Variants in SPTAN1 observed in about 807,000 individuals in gnomAD.
SPTAN1 encodes spectrin alpha chain, non-erythrocytic 1.
SPTAN1 carries 61 observed loss-of-function variants against 331.3 expected under a neutral mutation model. That is an observed-to-expected ratio of 0.18 (90% CI 0.15 to 0.23). SPTAN1 has a LOEUF of 0.23. Among genes scored for constraint, SPTAN1 ranks in the 10% least tolerant of loss-of-function variants. The probability of loss-of-function intolerance (pLI) is 1.00; values close to 1 mark genes in which losing one functional copy is unlikely to be tolerated. For synonymous variants in SPTAN1, 1,153 were observed against 1,173.9 expected (o/e 0.98, Z 0.36); for missense variants, 2,043 against 3,147.9 (o/e 0.65, Z 8.40).
intron 40 of SPTAN1, 98 bp from the exon 41 acceptor site, chr9:128,615,534 A>T: frequency 3.2e-6 from 4 of 1,262,100 alleles, no homozygotes; most frequent in Non-Finnish European, 4.6e-6. Flanking sequence ...TGAGAATATC[A>T]ACACTCCACA....
rs1860162835 is a variant in SPTAN1, at chr9:128,633,426, C to T, written c.*92C>T. ...TGTGTGCTCTCACTTTCCACTGTAA[C>T]CTTAAGCCTGCTTAGCTTGGAATAA... On this transcript the variant is annotated 3_prime_UTR_variant, in exon 57 of 57. Transcript: ENST00000372739. The T allele has an allele frequency of 1.9e-6, 3 of 1,591,764 alleles. No homozygotes were observed. In the African/African-American group the frequency reaches 4.0e-5, roughly 21 times the overall value.
chr9:128,621,917 C>T, intron 45 of SPTAN1: 1 of 159,440 alleles, frequency 6.3e-6, no homozygotes, highest in Non-Finnish European at 1.4e-5. Context: ...CACCAGCAAT[C>T]ACTCAGGTGC....
chr9:128,594,397 C>G (rs1589255220), intron 24 of SPTAN1, 24 bp downstream of exon 24: 3 of 1,514,242 alleles, frequency 2.0e-6, no homozygotes, highest in African/African-American at 2.7e-5. Context: ...TCAGGCTCAG[C>G]TGAAAATTTG....
chr9:128,631,008 C>T (rs562210218), intron 52 of SPTAN1, among the ~76,000 whole-genome samples: 2 of 152,294 alleles, frequency 1.3e-5, no homozygotes, highest in Middle Eastern at 3.4e-3. Flanking sequence ...CACATCTGGC[C>T]TAGTTTTTAT....
Position 128,575,202 on chromosome 9 carries a change from G to A in SPTAN1, c.508G>A (p.Ala170Thr), listed in dbSNP as rs778787847. 6 of 1,614,156 alleles carry A rather than the reference G, an allele frequency of 3.7e-6. No homozygotes were observed. Among genetic ancestry groups the A allele is most frequent in the Non-Finnish European group, 5.1e-6 (6 of 1,180,020 alleles). ...DVMDWINDKE[A>T]IVTSEELGQD... ...CTCTCTTATGGTCCCTGAATAGGAA[G>A]CAATTGTTACTTCTGAAGAGCTGGG... Residue 170 changes from alanine (A) to threonine (T), a missense_variant, in exon 5 of 57, where the codon GCA becomes ACA. Transcript: ENST00000372739.
rs1854900992 is a variant in SPTAN1, at chr9:128,600,076, A to G, written c.3544-4A>G. On this transcript the variant is annotated splice_polypyrimidine_tract_variant and splice_region_variant and intron_variant, in intron 26 of 56. Transcript: ENST00000372739. ...GCTGCCTAAATTCCTCTTTCTTTGA[A>G]TAGGATGAAACTGATTCCAAGACAG... 1 of 1,614,190 alleles carries G rather than the reference A, an allele frequency of 6.2e-7. No individual in the cohort carries two copies. Among genetic ancestry groups the G allele is most frequent in the East Asian group, 2.2e-5 (1 of 44,884 alleles).
intron 45 of SPTAN1, among the ~76,000 whole-genome samples, chr9:128,621,495 C>T (rs1414889403): frequency 6.6e-6 from 1 of 152,214 alleles, no homozygotes; most frequent in African/African-American, 2.4e-5. Flanking sequence ...GACACTGGCA[C>T]TCCCAAATGC....
intron 5 of SPTAN1, 142 bp downstream of exon 5, chr9:128,575,487 G>A (rs1851198654): frequency 2.1e-6 from 2 of 934,954 alleles, no homozygotes; most frequent in South Asian, 1.4e-5. Flanking sequence ...TTGTTTAGAT[G>A]TGAGGCACAA....
In SPTAN1 at chr9:128,605,399, G is replaced by T; in HGVS notation, c.3968G>T (p.Ser1323Ile). Reference sequence around the variant, plus strand: ...ACAGAGTTAAACCAGGCCTGGAGCAGCCTGGGGAAACGTGCAGATCAGCGC... The same window carrying T: ...ACAGAGTTAAACCAGGCCTGGAGCATCCTGGGGAAACGTGCAGATCAGCGC... The part of the protein sequence containing the change: ...KCTELNQAWS[S>I]LGKRADQRKA... Residue 1323 changes from serine (S) to isoleucine (I), a missense_variant, in exon 31 of 57, where the codon AGC becomes ATC. By Grantham distance (142) the Ser-to-Ile change is moderately radical. Around this residue, in one of 12 missense-constraint regions of SPTAN1, gnomAD observed 179 missense variants for 215.7 expected, o/e 0.83. Coordinates refer to ENST00000372739, the MANE Select transcript of SPTAN1 (RefSeq NM_001130438.3). The T allele has an allele frequency of 6.2e-7, 1 of 1,614,228 alleles. No homozygotes were observed. Among genetic ancestry groups the T allele is most frequent in the Non-Finnish European group, 8.5e-7 (1 of 1,180,048 alleles).
At chr9:128,605,260 C>G (rs1228449628) in intron 30 of SPTAN1, 36 bp from the exon 31 acceptor site, 13 of 1,614,020 alleles carry the variant, frequency 8.1e-6, no homozygotes, top group Non-Finnish European at 1.0e-5. Flanking sequence ...AGCATACCCC[C>G]TTACTGCAAG....
chr9:128,603,741 G>T, intron 28 of SPTAN1, 151 bp downstream of exon 28: 1 of 984,760 alleles, frequency 1.0e-6, no homozygotes. Context: ...GTAAACATCA[G>T]CACATTCATG....
intron 27 of SPTAN1, 36 bp from the exon 28 acceptor site, chr9:128,603,507 T>A: frequency 6.2e-7 from 1 of 1,613,538 alleles, no homozygotes; most frequent in East Asian, 2.2e-5. Flanking sequence ...GCCAGACACT[T>A]GATTAGTTTT....
intron 31 of SPTAN1, among the ~76,000 whole-genome samples, chr9:128,606,154 G>A (rs1855817556): frequency 6.6e-6 from 1 of 151,740 alleles, no homozygotes; most frequent in African/African-American, 2.4e-5. Context: ...GGTGGATCAC[G>A]AGGTCAGGAA....
In SPTAN1 at chr9:128,632,947, C is replaced by A; in HGVS notation, c.7300C>A (p.Leu2434Ile). The change falls in exon 56 of 57, where the codon CTC (leucine) becomes ATC (isoleucine). Residue 2434 changes from leucine (L) to isoleucine (I), a missense_variant. Leu to Ile is a conservative substitution (Grantham distance 5). This residue lies in a region of SPTAN1 where 88 missense variants were observed against 96.5 expected (regional missense o/e 0.91). Coordinates refer to ENST00000372739, the MANE Select transcript of SPTAN1 (RefSeq NM_001130438.3). ...AAAGCCTTACGTGACCAAGGAGGAG[C>A]TCTACCAGGTATGGGCCTCAGGAGG... ...EGKPYVTKEELYQNLTREQAD... is the reference protein window; with the variant it reads ...EGKPYVTKEEIYQNLTREQAD... 1.4e-5 allele frequency: 22 copies of A among 1,612,416 alleles called. No individual in the cohort carries two copies. The highest frequency in any genetic ancestry group is 1.8e-5 in the Non-Finnish European group (21 of 1,180,028).
intron 11 of SPTAN1, 107 bp downstream of exon 11, chr9:128,581,166 T>G: frequency 6.9e-7 from 1 of 1,455,932 alleles, no homozygotes; most frequent in Non-Finnish European, 9.4e-7. Flanking sequence ...CCATGTTAGT[T>G]CTGAATCCAT....
chr9:128,621,016 T>A, intron 44 of SPTAN1, 142 bp from the exon 45 acceptor site: 2 of 732,786 alleles, frequency 2.7e-6, no homozygotes, highest in Non-Finnish European at 4.9e-6. Flanking sequence ...TTAATGTTCC[T>A]CTTTATTATC....
intron 1 of SPTAN1, among the ~76,000 whole-genome samples, chr9:128,557,465 T>C (rs1848764126): frequency 6.6e-6 from 1 of 152,226 alleles, no homozygotes; most frequent in Admixed American, 6.5e-5. Flanking sequence ...TCTTTTGTGT[T>C]GCTTAACGCA....
At chr9:128,574,956 C>A in intron 4 of SPTAN1, 141 bp downstream of exon 4, 1 of 1,238,270 alleles carries the variant, frequency 8.1e-7, no homozygotes, top group Non-Finnish European at 1.2e-6. Context: ...GCTGTCTCTC[C>A]AGCTGCTCTC....
At chr9:128,581,556 A>C (rs1469011446) in intron 11 of SPTAN1, among the ~76,000 whole-genome samples, 2 of 152,296 alleles carry the variant, frequency 1.3e-5, no homozygotes, top group East Asian at 3.9e-4. Flanking sequence ...AAAACTATGT[A>C]AGAGAAGTTT....
Sources: gnomAD v4.1 joint callset for allele counts (sites outside exome capture counted in the v4.1 genomes callset) on GRCh38, gnomAD v4.1.1 for gene constraint, gnomAD v4.1.1 regional missense constraint, MANE v1.5 for transcripts, NCBI Gene and HGNC (gene_info 2026-07-23, HGNC 2026-07-21) for gene names.